ARHGAP15: variants seen among roughly 807,000 people sequenced by gnomAD.
The protein encoded by ARHGAP15 is rho GTPase-activating protein 15.
Under a neutral mutation model 63.7 loss-of-function variants are expected in ARHGAP15, and 51 were observed. The ratio of observed to expected loss-of-function variants is 0.80; its 90% CI spans 0.64 to 1.01. The LOEUF is 1.01. Among genes scored for constraint, ARHGAP15 ranks in the 50% least tolerant of loss-of-function variants. ARHGAP15 has a pLI of 0.00. For synonymous variants in ARHGAP15, 191 were observed against 193.8 expected (o/e 0.99, Z 0.12); for missense variants, 560 against 564.6 (o/e 0.99, Z 0.08).
intron 12 of ARHGAP15, among the ~76,000 whole-genome samples, chr2:143,662,543 C>T (rs1310546358): frequency 1.4e-5 from 2 of 138,352 alleles, no homozygotes; most frequent in African/African-American, 5.0e-5. Context: ...TCCTCACCAG[C>T]AACGGAACAA....
At chr2:143,196,075 TATG>T (rs1290247037) in intron 2 of ARHGAP15, among the ~76,000 whole-genome samples, 2 of 152,112 alleles carry the variant, frequency 1.3e-5, no homozygotes, top group African/African-American at 2.4e-5. Context: ...AAAACTTAAT[TATG>T]ATCCATATCC....
intron 9 of ARHGAP15, among the ~76,000 whole-genome samples, chr2:143,514,600 A>G (rs1246144381): frequency 1.3e-5 from 2 of 152,192 alleles, no homozygotes; most frequent in Non-Finnish European, 2.9e-5. Context: ...ATCACCACCT[A>G]TGTGAGTAAG....
intron 10 of ARHGAP15, among the ~76,000 whole-genome samples, chr2:143,526,806 C>T (rs563954806): frequency 6.3e-4 from 95 of 151,974 alleles, no homozygotes; most frequent in Non-Finnish European, 1.0e-3. Flanking sequence ...ATTTTTTTGC[C>T]CTAGCATTCA....
chr2:143,180,031 G>T (rs1691171983), intron 2 of ARHGAP15, among the ~76,000 whole-genome samples: 1 of 152,170 alleles, frequency 6.6e-6, no homozygotes, highest in Non-Finnish European at 1.5e-5. Flanking sequence ...GACTGATCAG[G>T]GTGGTGATTT....
At chr2:143,625,016 G>A (rs1698780524) in intron 12 of ARHGAP15, among the ~76,000 whole-genome samples, 3 of 152,074 alleles carry the variant, frequency 2.0e-5, no homozygotes, top group Admixed American at 6.6e-5. Context: ...ATTAATCCTT[G>A]GAGAAGCAAC....
At chr2:143,273,045 A>C (rs770262765) in intron 6 of ARHGAP15, among the ~76,000 whole-genome samples, 1 of 125,242 alleles carries the variant, frequency 8.0e-6, no homozygotes, top group African/African-American at 2.9e-5. Context: ...CCAGTTTATA[A>C]TTTCATTGTT....
rs1329848854 is a variant in ARHGAP15, at chr2:143,713,135, G to C, written c.1244+9611G>C. Among the ~76,000 whole-genome samples the C allele has an allele frequency of 2.0e-5, 3 of 152,288 alleles. No homozygotes were observed. The East Asian group carries it at 5.8e-4, about 29-fold the overall frequency. On this transcript the variant is annotated intron_variant, in intron 13 of 13. Transcript: ENST00000295095. ...AGTCCATTTTCATGCTTCTGATAAAGACATACCCAAGGCTGGGAAGAAAAA... is the reference window on the plus strand; with the variant it reads ...AGTCCATTTTCATGCTTCTGATAAACACATACCCAAGGCTGGGAAGAAAAA...
chr2:143,754,281 A>G (rs944013190), intron 13 of ARHGAP15, among the ~76,000 whole-genome samples: 6 of 152,182 alleles, frequency 3.9e-5, no homozygotes, highest in African/African-American at 1.2e-4. Context: ...ATACAGCACT[A>G]AGCAAAAACA....
chr2:143,555,845 C>A (rs1019124038), intron 10 of ARHGAP15, among the ~76,000 whole-genome samples: 1 of 132,998 alleles, frequency 7.5e-6, no homozygotes, highest in Admixed American at 7.4e-5. Flanking sequence ...TATTCTGTAA[C>A]AATCACAGGA....
intron 12 of ARHGAP15, among the ~76,000 whole-genome samples, chr2:143,669,655 C>G (rs1682417010): frequency 6.6e-6 from 1 of 152,160 alleles, no homozygotes; most frequent in Non-Finnish European, 1.5e-5. Context: ...TCTGGGGCCT[C>G]TTTCATAAAG....
rs374693273 is a variant in ARHGAP15 at position 143,519,246 on chromosome 2, C to T, written c.827-20C>T. On this transcript the variant is annotated intron_variant, in intron 9 of 13. Transcript: ENST00000295095. The stretch of plus-strand genomic sequence containing the variant: ...CGCAAGCTTGGATTTTAATGAAGCT[C>T]ATCTTTGTTTCTTTTGCAGATCAAA... 3.0e-5 allele frequency: 47 copies of T among 1,565,744 alleles called. No individual in the cohort carries two copies. The highest frequency in any genetic ancestry group is 5.4e-5 in the African/African-American group (4 of 73,904).
intron 10 of ARHGAP15, among the ~76,000 whole-genome samples, chr2:143,554,063 A>C (rs1335960081): frequency 6.6e-6 from 1 of 152,168 alleles, no homozygotes; most frequent in Non-Finnish European, 1.5e-5. Flanking sequence ...AAAATTTTTA[A>C]AAACACACAA....
intron 13 of ARHGAP15, among the ~76,000 whole-genome samples, chr2:143,754,074 A>G (rs545342967): frequency 6.6e-5 from 10 of 152,184 alleles, no homozygotes; most frequent in Non-Finnish European, 1.5e-4. Flanking sequence ...TTCAGGCCCT[A>G]TTCTTCTAAA....
intron 11 of ARHGAP15, among the ~76,000 whole-genome samples, chr2:143,564,808 C>T (rs539791420): frequency 2.9e-4 from 44 of 152,202 alleles, no homozygotes; most frequent in Non-Finnish European, 5.7e-4. Flanking sequence ...ATTAAAATTA[C>T]GCATTTTACC....
chr2:143,754,904 A>T (rs991286792), intron 13 of ARHGAP15, among the ~76,000 whole-genome samples: 1 of 152,224 alleles, frequency 6.6e-6, no homozygotes, highest in African/African-American at 2.4e-5. Flanking sequence ...TTGCAACTCA[A>T]CTGCCTTGCC....
At chr2:143,226,362 C>T (rs1464173844) in intron 4 of ARHGAP15, among the ~76,000 whole-genome samples, 1 of 152,138 alleles carries the variant, frequency 6.6e-6, no homozygotes, top group Non-Finnish European at 1.5e-5. Flanking sequence ...GGTATAGTGT[C>T]TCCTTGTGAG....
At chr2:143,258,573 G>A (rs1409892807) in intron 6 of ARHGAP15, among the ~76,000 whole-genome samples, 3 of 152,174 alleles carry the variant, frequency 2.0e-5, no homozygotes. Flanking sequence ...CTGCAGGGCA[G>A]TTAAGGATTC....
chr2:143,370,372 T>G (rs1686495340), intron 6 of ARHGAP15, among the ~76,000 whole-genome samples: 1 of 151,996 alleles, frequency 6.6e-6, no homozygotes. Flanking sequence ...GGGGGAGGGA[T>G]AGCACTGGGA....
intron 9 of ARHGAP15, among the ~76,000 whole-genome samples, chr2:143,490,992 G>A (rs1692559643): frequency 6.6e-6 from 1 of 152,072 alleles, no homozygotes; most frequent in African/African-American, 2.4e-5. Flanking sequence ...AATAAAGTGG[G>A]CCAGAAAAAA....
Sources: gnomAD v4.1 joint callset for allele counts (sites outside exome capture counted in the v4.1 genomes callset) on GRCh38, gnomAD v4.1.1 for gene constraint, MANE v1.5 for transcripts, NCBI Gene and HGNC (gene_info 2026-07-23, HGNC 2026-07-21) for gene names.